KPNA4: variants seen among roughly 807,000 people sequenced by gnomAD.
KPNA4 encodes importin subunit alpha-3.
Under a neutral mutation model 71.3 loss-of-function variants are expected in KPNA4, and 13 were observed. That is an observed-to-expected ratio of 0.18 (90% CI 0.12 to 0.29). The LOEUF is 0.29. KPNA4 is among the 10% of genes least tolerant of loss of function. The pLI, the probability that KPNA4 is intolerant of heterozygous loss-of-function variation, is 1.00. For synonymous variants in KPNA4, 189 were observed against 195.2 expected, an observed-to-expected ratio of 0.97 and a Z score of 0.26; for missense variants, 334 against 603.2, an observed-to-expected ratio of 0.55 and a Z score of 4.67.
At position 160,517,287 on chromosome 3, in the gene KPNA4, A is replaced by G. The variant is rs145189903; in HGVS notation, c.904-1707T>C. On this transcript the variant is annotated intron_variant, in intron 11 of 16. Transcript: ENST00000334256. ...GTTAAAAGTTCGTGTTACAGCATGCATCAATACTTTGTTCCTTTTCATGAC... is the reference window on the plus strand; with the variant it reads ...GTTAAAAGTTCGTGTTACAGCATGCGTCAATACTTTGTTCCTTTTCATGAC... Among the ~76,000 whole-genome samples the G allele has an allele frequency of 1.8e-4, 28 of 152,208 alleles. No homozygotes were observed. In the East Asian group the frequency reaches 5.2e-3, roughly 28 times the overall value.
chr3:160,503,669 A>T (rs1577043904), intron 16 of KPNA4, among the ~76,000 whole-genome samples: 1 of 152,352 alleles, frequency 6.6e-6, no homozygotes, highest in Non-Finnish European at 1.5e-5. Context: ...ATCTAAGTCA[A>T]GAACGAAAAC....
intron 10 of KPNA4, among the ~76,000 whole-genome samples, chr3:160,523,287 A>C (rs1419883810): frequency 3.3e-5 from 5 of 152,100 alleles, no homozygotes; most frequent in African/African-American, 1.2e-4. Context: ...CCTGGGCAAC[A>C]CGGTGAAACC....
At chr3:160,513,065 C>T (rs946017055) in intron 13 of KPNA4, among the ~76,000 whole-genome samples, 1 of 152,220 alleles carries the variant, frequency 6.6e-6, no homozygotes, top group South Asian at 2.1e-4. Context: ...CTTAATATCA[C>T]TACATGTAAG....
chr3:160,555,101 G>A (rs922101006), intron 1 of KPNA4, among the ~76,000 whole-genome samples: 1 of 152,206 alleles, frequency 6.6e-6, no homozygotes, highest in African/African-American at 2.4e-5. Context: ...CAGGTAGACA[G>A]TGTCAGAATT....
At chr3:160,544,431 G>A (rs183612858) in intron 1 of KPNA4, among the ~76,000 whole-genome samples, 135 of 152,266 alleles carry the variant, frequency 8.9e-4, no homozygotes, top group African/African-American at 3.1e-3. Flanking sequence ...AGTTTTATAT[G>A]AGCACAAAGG....
chr3:160,526,152 G>A (rs1721456379), intron 8 of KPNA4, 45 bp from the exon 9 acceptor site: 4 of 1,367,114 alleles, frequency 2.9e-6, no homozygotes, highest in Admixed American at 5.3e-5. Flanking sequence ...CATACTGACA[G>A]TAAGCATTTT....
intron 1 of KPNA4, among the ~76,000 whole-genome samples, chr3:160,553,142 G>A (rs1286666287): frequency 6.6e-6 from 1 of 152,154 alleles, no homozygotes. Context: ...AAGAACGGAG[G>A]TGGACATTAA....
rs185070053 is a variant in KPNA4, at chr3:160,550,455, G to A, written c.70-13615C>T. 1.8e-4 allele frequency among the ~76,000 whole-genome samples: 28 copies of A among 152,218 alleles called. No individual in the cohort carries two copies. The East Asian group carries it at 5.0e-3, about 27-fold the overall frequency. ...ATTTTATTTTTTCTTTGTAGAGACA[G>A]GGTCTTGCTATATTGCCTAGGCTGC... On this transcript the variant is annotated intron_variant, in intron 1 of 16. Transcript: ENST00000334256.
Position 160,565,529 on chromosome 3 carries a change from AC to A in KPNA4, c.-248del, listed in dbSNP as rs1323739235. On this transcript the variant is annotated 5_prime_UTR_variant, in exon 1 of 17. Transcript: ENST00000334256. Reference sequence around the variant, plus strand: ...TGTGGGGCCGGGCGGCGGCAAGGCGACGGAATGTGCTGCCGGCTGAGAGGGG... The same window carrying A: ...TGTGGGGCCGGGCGGCGGCAAGGCGAGGAATGTGCTGCCGGCTGAGAGGGG... 1.9e-6 allele frequency: 1 copy of A among 528,718 alleles called. No homozygotes were observed. 32.8% of individuals were successfully genotyped at this position (528,718 alleles called of 1,614,324 possible).
At chr3:160,523,866 AG>A (rs1721409057) in intron 10 of KPNA4, among the ~76,000 whole-genome samples, 1 of 152,086 alleles carries the variant, frequency 6.6e-6, no homozygotes, top group Non-Finnish European at 1.5e-5. Context: ...GAAAAAAAAA[AG>A]AATTCACATA....
At position 160,546,933 on chromosome 3, in the gene KPNA4, G is replaced by A. The variant is rs80352159; in HGVS notation, c.70-10093C>T. Among the ~76,000 whole-genome samples the A allele has an allele frequency of 8.8e-3, 1,340 of 152,172 alleles. 12 individuals are homozygous for A. Among genetic ancestry groups the A allele is most frequent in the African/African-American group, 0.022 (907 of 41,520 alleles). On this transcript the variant is annotated intron_variant, in intron 1 of 16. Transcript: ENST00000334256. ...AAAATGGAAATGAAACTCACTCTCCGGCCCTTCTTTGGTCTCTTAAGCCAC... is the reference window on the plus strand; with the variant it reads ...AAAATGGAAATGAAACTCACTCTCCAGCCCTTCTTTGGTCTCTTAAGCCAC...
intron 1 of KPNA4, among the ~76,000 whole-genome samples, chr3:160,550,588 A>C (rs1722021416): frequency 6.6e-6 from 1 of 152,202 alleles, no homozygotes. Flanking sequence ...TTCTGATCTT[A>C]CAGGAAAAGC....
intron 7 of KPNA4, among the ~76,000 whole-genome samples, chr3:160,530,584 T>C (rs1301094508): frequency 2.0e-5 from 3 of 152,150 alleles, no homozygotes; most frequent in Non-Finnish European, 4.4e-5. Context: ...GTCCTATAAA[T>C]AAAGTGTAAC....
intron 1 of KPNA4, among the ~76,000 whole-genome samples, chr3:160,544,158 T>G (rs1451270051): frequency 6.6e-6 from 1 of 152,188 alleles, no homozygotes; most frequent in East Asian, 1.9e-4. Context: ...GTGCCCGGCC[T>G]CCTTGACCTT....
intron 1 of KPNA4, among the ~76,000 whole-genome samples, chr3:160,551,098 CA>C (rs1406865306): frequency 6.6e-6 from 1 of 152,156 alleles, no homozygotes; most frequent in African/African-American, 2.4e-5. Flanking sequence ...TAGAATTCAC[CA>C]GTGAAGCCAA....
At chr3:160,557,855 ATTT>A (rs891596572) in intron 1 of KPNA4, among the ~76,000 whole-genome samples, 17 of 151,758 alleles carry the variant, frequency 1.1e-4, no homozygotes, top group Non-Finnish European at 2.2e-4. Context: ...TTTTATTTTT[ATTT>A]TTTTGTAGAG....
chr3:160,540,143 G>A (rs1472742201), intron 1 of KPNA4, among the ~76,000 whole-genome samples: 1 of 151,638 alleles, frequency 6.6e-6, no homozygotes, highest in African/African-American at 2.4e-5. Context: ...GGGACTACAG[G>A]CTCATGCCAC....
chr3:160,518,479 T>C (rs949393761), intron 11 of KPNA4, among the ~76,000 whole-genome samples: 1 of 151,410 alleles, frequency 6.6e-6, no homozygotes, highest in Non-Finnish European at 1.5e-5. Flanking sequence ...TCCAACTTCA[T>C]TATTTTACTT....
rs77183377 is a variant in KPNA4, at chr3:160,526,941, T to C, written c.557-834A>G. 1.5e-3 allele frequency among the ~76,000 whole-genome samples: 236 copies of C among 152,304 alleles called. 1 individual carries two copies. The highest frequency in any genetic ancestry group is 6.4e-3 in the East Asian group (33 of 5,188). ...GCAAAAGAGTGAGGGAGTCTGGATA[T>C]AGAAACAATAGCATTCCTAATAGTA... On this transcript the variant is annotated intron_variant, in intron 8 of 16. Coordinates refer to ENST00000334256, the MANE Select transcript of KPNA4 (RefSeq NM_002268.5).
Sources: gnomAD v4.1 joint callset for allele counts (sites outside exome capture counted in the v4.1 genomes callset) on GRCh38, gnomAD v4.1.1 for gene constraint, MANE v1.5 for transcripts, NCBI Gene and HGNC (gene_info 2026-07-23, HGNC 2026-07-21) for gene names.